The following ADGRL3 variants were observed in gnomAD, a reference collection of about 807,000 sequenced individuals.
The protein encoded by ADGRL3 is adhesion G protein-coupled receptor L3, also known as calcium-independent alpha-latrotoxin receptor 3.
In ADGRL3, 62 loss-of-function variants were observed where a neutral mutation model predicts 153.5. The observed-to-expected ratio is 0.40, with a 90% CI of 0.33 to 0.50. The LOEUF (loss-of-function observed/expected upper bound fraction) is 0.50. Ranked by LOEUF, ADGRL3 falls within the 20% of genes least tolerant of loss-of-function variation. ADGRL3 has a pLI of 0.47. For missense variants in ADGRL3, 1,641 were observed against 1,859.4 expected (o/e 0.88, Z 2.16); for synonymous variants, 710 against 672.5 (o/e 1.06, Z -0.86).
rs1745795597 is a variant in ADGRL3, at chr4:62,071,916, G to C, written c.*1008G>C. On this transcript the variant is annotated 3_prime_UTR_variant, in exon 27 of 27. Transcript: ENST00000683033. The stretch of plus-strand genomic sequence containing the variant: ...CTCACTATATATCTTTATGCAGTCA[G>C]AATATTTCCAACAGTGTTTTTTGCA... The C allele has an allele frequency of 3.7e-6, 1 of 268,674 alleles. No individual in the cohort carries two copies. Among genetic ancestry groups the C allele is most frequent in the Non-Finnish European group, 7.3e-6 (1 of 137,688 alleles). The allele number at this position is 268,674 out of a possible 1,614,324, so 16.6% of individuals were successfully genotyped here.
chr4:61,769,249 C>T (rs1157376354), intron 8 of ADGRL3, among the ~76,000 whole-genome samples: 2 of 152,038 alleles, frequency 1.3e-5, no homozygotes, highest in African/African-American at 4.8e-5. Flanking sequence ...ACGGATAAAA[C>T]ATGTCTCTTT....
chr4:61,998,149 C>T (rs2099128296), intron 20 of ADGRL3, 25 bp from the exon 21 acceptor site: 2 of 1,327,478 alleles, frequency 1.5e-6, no homozygotes, highest in East Asian at 4.8e-5. Flanking sequence ...AATTATGCTA[C>T]ATAACACTAC....
chr4:61,280,017 G>GAAAA (rs1327626199), intron 1 of ADGRL3, among the ~76,000 whole-genome samples: 2 of 151,766 alleles, frequency 1.3e-5, no homozygotes, highest in African/African-American at 4.8e-5. Context: ...CTTCATCCCA[G>GAAAA]AAAAGGTTGA....
intron 5 of ADGRL3, among the ~76,000 whole-genome samples, chr4:61,609,712 C>A (rs139618460): frequency 2.6e-5 from 4 of 152,174 alleles, no homozygotes; most frequent in African/African-American, 9.6e-5. Context: ...ATCCCTCCTT[C>A]CCTCGGGCAC....
chr4:61,291,611 C>CAT (rs1352050467), intron 1 of ADGRL3, among the ~76,000 whole-genome samples: 38 of 9,646 alleles, frequency 3.9e-3, no homozygotes, highest in Middle Eastern at 0.056. Context: ...TATACACACA[C>CAT]ATATATATAT....
intron 6 of ADGRL3, among the ~76,000 whole-genome samples, chr4:61,698,454 A>AAAC (rs567818894): frequency 1.4e-3 from 220 of 151,882 alleles, no homozygotes; most frequent in African/African-American, 4.1e-3. Context: ...CATCTCAAAC[A>AAAC]AACAACAACA....
rs1025681591 is a variant in ADGRL3 at position 61,750,905 on chromosome 4, G to A, written c.1399+17351G>A. Among the ~76,000 whole-genome samples the A allele has an allele frequency of 2.6e-5, 4 of 152,276 alleles. No homozygotes were observed. In the East Asian group the frequency reaches 7.7e-4, roughly 29 times the overall value. ...AATCTGGGCAAGCAAACAGTAACCA[G>A]TGTTGTAGAGCAGGATTCCTCCGTA... On this transcript the variant is annotated intron_variant, in intron 8 of 26. Transcript: ENST00000683033.
intron 19 of ADGRL3, among the ~76,000 whole-genome samples, chr4:61,991,288 A>C (rs2099102792): frequency 6.6e-6 from 1 of 151,862 alleles, no homozygotes; most frequent in African/African-American, 2.4e-5. Context: ...GGTACGTGTG[A>C]AGGTTTGTTA....
intron 25 of ADGRL3, among the ~76,000 whole-genome samples, chr4:62,059,116 T>C (rs1738663602): frequency 6.6e-6 from 1 of 152,134 alleles, no homozygotes; most frequent in South Asian, 2.1e-4. Flanking sequence ...AGTAGTACCT[T>C]CTAGGAAAAT....
At chr4:61,359,729 A>T (rs990778390) in intron 1 of ADGRL3, among the ~76,000 whole-genome samples, 1 of 151,932 alleles carries the variant, frequency 6.6e-6, no homozygotes, top group African/African-American at 2.4e-5. Context: ...TTTGTTTGTC[A>T]TGTTTTGTTA....
At chr4:61,337,210 A>G (rs1414250506) in intron 1 of ADGRL3, among the ~76,000 whole-genome samples, 3 of 152,086 alleles carry the variant, frequency 2.0e-5, no homozygotes, top group Non-Finnish European at 4.4e-5. Context: ...TCCAAGGAAG[A>G]TGTACCCCTG....
In ADGRL3 at chr4:61,733,665, C is replaced by T. The variant is rs115395300; in HGVS notation, c.1399+111C>T. The T allele has an allele frequency of 8.2e-4, 649 of 792,066 alleles. 1 individual carries two copies. In the African/African-American group the frequency reaches 0.01, roughly 12 times the overall value. The allele number at this position is 792,066 out of a possible 1,614,324, so 49.1% of individuals were successfully genotyped here. A position where few individuals can be genotyped will look rare whatever the true frequency, so the allele number is the denominator to read the frequency against. On this transcript the variant is annotated intron_variant, in intron 8 of 26. Coordinates refer to ENST00000683033, the MANE Select transcript of ADGRL3 (RefSeq NM_001387552.1). Reference sequence around the variant, plus strand: ...ATTTGTGGTATTCTGGCCTGTGTACCTGAAAATTGTTCTTTGTCTTTGCAT... The same window carrying T: ...ATTTGTGGTATTCTGGCCTGTGTACTTGAAAATTGTTCTTTGTCTTTGCAT...
At chr4:62,025,147 A>G (rs1209071237) in intron 21 of ADGRL3, among the ~76,000 whole-genome samples, 1 of 151,886 alleles carries the variant, frequency 6.6e-6, no homozygotes, top group Non-Finnish European at 1.5e-5. Context: ...AAATGTTTAG[A>G]TTTTTTTTCT....
At chr4:61,802,391 A>G (rs1366553050) in intron 8 of ADGRL3, among the ~76,000 whole-genome samples, 4 of 152,146 alleles carry the variant, frequency 2.6e-5, no homozygotes, top group African/African-American at 9.7e-5. Flanking sequence ...ATGTTCCACT[A>G]TAAAGGCTAT....
intron 1 of ADGRL3, among the ~76,000 whole-genome samples, chr4:61,256,773 C>T (rs2092010684): frequency 6.6e-6 from 1 of 152,106 alleles, no homozygotes; most frequent in Non-Finnish European, 1.5e-5. Flanking sequence ...GTTAAAATCA[C>T]ATTTTAAAAA....
At chr4:61,598,891 C>T (rs2098999928) in intron 5 of ADGRL3, among the ~76,000 whole-genome samples, 1 of 151,934 alleles carries the variant, frequency 6.6e-6, no homozygotes, top group African/African-American at 2.4e-5. Context: ...TTTTATTTTA[C>T]TGATGACAGA....
intron 4 of ADGRL3, among the ~76,000 whole-genome samples, chr4:61,541,393 G>A (rs2098689615): frequency 8.0e-6 from 1 of 124,772 alleles, no homozygotes; most frequent in African/African-American, 3.0e-5. Flanking sequence ...CAAGTAACAT[G>A]TAGTTGACTC....
chr4:61,781,331 C>CAAAAAAAAAAAAAAAAAAAAAAAAA (rs71281828), intron 8 of ADGRL3, among the ~76,000 whole-genome samples: 3 of 64,428 alleles, frequency 4.7e-5, no homozygotes, highest in African/African-American at 2.0e-4. Context: ...ATTCTGCCTC[C>CAAAAAAAAAAAAAAAAAAAAAAAAA]AAAAAAAAAA....
At chr4:61,457,851 C>CAGATAGATAGATAGAT (rs149992520) in intron 2 of ADGRL3, among the ~76,000 whole-genome samples, 18 of 146,060 alleles carry the variant, frequency 1.2e-4, no homozygotes, top group Non-Finnish European at 1.8e-4. Flanking sequence ...TCACAGATGA[C>CAGATAGATAGATAGAT]AGATAGATAG....
Sources: gnomAD v4.1 joint callset for allele counts (sites outside exome capture counted in the v4.1 genomes callset) on GRCh38, gnomAD v4.1.1 for gene constraint, MANE v1.5 for transcripts, NCBI Gene and HGNC (gene_info 2026-07-23, HGNC 2026-07-21) for gene names.